ARHGEF38: variants seen among roughly 807,000 people sequenced by gnomAD.
ARHGEF38 encodes the protein Rho guanine nucleotide exchange factor 38, also known as Rho guanine nucleotide exchange factor (GEF) 38.
In ARHGEF38, 79 loss-of-function variants were observed where a neutral mutation model predicts 79.9. The observed-to-expected ratio is 0.99, with a 90% CI of 0.82 to 1.19. The LOEUF (loss-of-function observed/expected upper bound fraction) is 1.19. Ranked by LOEUF, ARHGEF38 falls within the 50% of genes most tolerant of loss-of-function variation. The pLI is 0.00. For synonymous variants in ARHGEF38, 366 were observed against 328.3 expected (o/e 1.11, Z -1.24); for missense variants, 962 against 907.2 (o/e 1.06, Z -0.78).
chr4:105,570,275 A>C (rs891910357), intron 1 of ARHGEF38: 2 of 152,240 alleles, frequency 1.3e-5, no homozygotes, highest in African/African-American at 4.8e-5. Context: ...GGTTGCTCTT[A>C]TTATAGGCTT....
Position 105,680,193 on chromosome 4 carries a change from AG to A in ARHGEF38, c.*2257del, listed in dbSNP as rs1456605022. 26 of 512,532 alleles carry A rather than the reference AG, an allele frequency of 5.1e-5. No individual in the cohort carries two copies. 31.7% of individuals were successfully genotyped at this position (512,532 alleles called of 1,614,324 possible). On this transcript the variant is annotated 3_prime_UTR_variant, in exon 14 of 14. Transcript: ENST00000420470. ...CTTCTGACTTTAAGGCCTTTCTTTT[AG>A]TGTTTTCCCTTTTCTTTTCCTTAAG...
At position 105,655,711 on chromosome 4, in the gene ARHGEF38, T is replaced by C; in HGVS notation, c.1222T>C (p.Cys408Arg). The change falls in exon 9 of 14, where the codon TGT becomes CGT. Residue 408 changes from cysteine (C) to arginine (R), a missense_variant. Cys to Arg is a radical substitution (Grantham distance 180). Coordinates refer to ENST00000420470, the MANE Select transcript of ARHGEF38 (RefSeq NM_001242729.2). Reference sequence around the variant, plus strand: ...GACCCTAAGTAATGCCTTAAATTCGTGTCATGACTTTGTAAGTTATTTATA... The same window carrying C: ...GACCCTAAGTAATGCCTTAAATTCGCGTCATGACTTTGTAAGTTATTTATA... ...SETLSNALNS[C>R]HDFASHLQRL... is the part of the protein sequence containing the mutation. 1.3e-6 allele frequency: 2 copies of C among 1,534,676 alleles called. No individual in the cohort carries two copies. Among genetic ancestry groups the C allele is most frequent in the Admixed American group, 2.0e-5 (1 of 50,890 alleles).
At chr4:105,598,765 G>T (rs2110472122) in intron 2 of ARHGEF38, among the ~76,000 whole-genome samples, 1 of 151,150 alleles carries the variant, frequency 6.6e-6, no homozygotes, top group East Asian at 1.9e-4. Flanking sequence ...TCCATAATAA[G>T]GCCAGATACC....
At position 105,667,559 on chromosome 4, in the gene ARHGEF38, C is replaced by T. The variant is rs534216698; in HGVS notation, c.2004C>T (p.Phe668=). The T allele has an allele frequency of 2.4e-5, 37 of 1,536,700 alleles. No homozygotes were observed. In the East Asian group the frequency reaches 3.7e-4, roughly 15 times the overall value. The part of the protein sequence containing the change: ...CDDDFENISL[F]VSSRPASDSV... ...ATGATTTTGAGAACATCAGCCTCTT[C>T]GTGTCTTCACGGCCAGCTAGTGACA... Residue 668 remains phenylalanine (F), a synonymous_variant, in exon 13 of 14, where the codon TTC becomes TTT. Coordinates refer to ENST00000420470, the MANE Select transcript of ARHGEF38 (RefSeq NM_001242729.2).
chr4:105,562,205 C>A (rs575001048), intron 1 of ARHGEF38, among the ~76,000 whole-genome samples: 15 of 152,284 alleles, frequency 9.9e-5, no homozygotes, highest in African/African-American at 3.4e-4. Flanking sequence ...ATGGTGTGTT[C>A]TGATCCCCCT....
At chr4:105,591,375 A>C (rs1157988952) in intron 2 of ARHGEF38, among the ~76,000 whole-genome samples, 1 of 151,948 alleles carries the variant, frequency 6.6e-6, no homozygotes, top group South Asian at 2.1e-4. Flanking sequence ...ACTACAGGTG[A>C]CTGCCACCAC....
intron 2 of ARHGEF38, among the ~76,000 whole-genome samples, chr4:105,612,784 T>C (rs1484610742): frequency 6.6e-6 from 1 of 152,130 alleles, no homozygotes; most frequent in Non-Finnish European, 1.5e-5. Context: ...AATAAATAAA[T>C]TATTATAAAC....
chr4:105,632,992 C>A (rs998052280), intron 4 of ARHGEF38: 4 of 152,682 alleles, frequency 2.6e-5, no homozygotes, highest in African/African-American at 9.7e-5. Context: ...GATTTTAGAA[C>A]CTCATGAAGT....
intron 3 of ARHGEF38, among the ~76,000 whole-genome samples, chr4:105,616,840 T>C (rs1728530969): frequency 6.6e-6 from 1 of 152,204 alleles, no homozygotes; most frequent in South Asian, 2.1e-4. Flanking sequence ...TAAAAGACTG[T>C]GCTCTAAGCA....
rs181306194 is a variant in ARHGEF38, at chr4:105,677,354, T to C, written c.2149-398T>C. ...GCTAAACTTATAGTGTTATTCCTAC[T>C]ACTCTCCCACTTTTCGCCATTCTTA... On this transcript the variant is annotated intron_variant, in intron 13 of 13. Coordinates refer to ENST00000420470, the MANE Select transcript of ARHGEF38 (RefSeq NM_001242729.2). Among the ~76,000 whole-genome samples the C allele has an allele frequency of 1.7e-3, 254 of 152,346 alleles. 1 individual carries two copies. The highest frequency in any genetic ancestry group is 3.1e-3 in the Non-Finnish European group (208 of 68,018).
Position 105,667,533 on chromosome 4 carries a change from G to A in ARHGEF38, c.1978G>A (p.Asp660Asn), listed in dbSNP as rs778608312. 7.8e-6 allele frequency: 12 copies of A among 1,536,520 alleles called. No individual in the cohort carries two copies. The highest frequency in any genetic ancestry group is 4.8e-5 in the South Asian group (4 of 84,068). Residue 660 changes from aspartate to asparagine, a missense_variant, in exon 13 of 14, where the codon GAT becomes AAT. By Grantham distance (23) the Asp-to-Asn change is conservative (BLOSUM62 1). Transcript: ENST00000420470. The stretch of plus-strand genomic sequence containing the variant: ...GGATGCTGAGAACAGGTTCTGTGAC[G>A]ATGATTTTGAGAACATCAGCCTCTT... ...KVDAENRFCD[D>N]DFENISLFVS...
intron 5 of ARHGEF38, among the ~76,000 whole-genome samples, chr4:105,637,236 C>G (rs987147242): frequency 1.3e-5 from 2 of 152,024 alleles, no homozygotes; most frequent in African/African-American, 4.8e-5. Context: ...CAGCAAATAT[C>G]TGTCATTCAT....
At chr4:105,596,323 G>A (rs1307426386) in intron 2 of ARHGEF38, among the ~76,000 whole-genome samples, 1 of 152,142 alleles carries the variant, frequency 6.6e-6, no homozygotes, top group Non-Finnish European at 1.5e-5. Context: ...GCAAGGGAGG[G>A]AAGGCACTCC....
chr4:105,639,066 T>C (rs888330492), intron 5 of ARHGEF38, among the ~76,000 whole-genome samples: 2 of 152,004 alleles, frequency 1.3e-5, no homozygotes, highest in Non-Finnish European at 2.9e-5. Context: ...ATCCACTACT[T>C]GCCAACACTA....
Position 105,555,379 on chromosome 4 carries a change from C to G in ARHGEF38, c.196+2418C>G, listed in dbSNP as rs575304987. Among the ~76,000 whole-genome samples the G allele has an allele frequency of 1.6e-3, 238 of 152,244 alleles. 2 individuals carry two copies. The highest frequency in any genetic ancestry group is 5.6e-3 in the African/African-American group (234 of 41,568). Reference sequence around the variant, plus strand: ...AGCTTTTAGCATGGTTCGACTAGAACAGGGAAGGCGACAAGGGAAGGCATT... The same window carrying G: ...AGCTTTTAGCATGGTTCGACTAGAAGAGGGAAGGCGACAAGGGAAGGCATT... On this transcript the variant is annotated intron_variant, in intron 1 of 13. Transcript: ENST00000420470.
At chr4:105,554,437 A>G (rs1161331287) in intron 1 of ARHGEF38, among the ~76,000 whole-genome samples, 4 of 152,264 alleles carry the variant, frequency 2.6e-5, no homozygotes, top group Admixed American at 2.0e-4. Flanking sequence ...GCTCTCACTC[A>G]TAAGTGAGAA....
chr4:105,667,767 T>C lies in ARHGEF38; in HGVS notation c.2148+64T>C. ...ATGAAAGAGTATCTCTCTACTGTAC[T>C]CTATAATACTGTAACACTTGGTGGA... On this transcript the variant is annotated intron_variant, in intron 13 of 13. Transcript: ENST00000420470. The C allele has an allele frequency of 2.0e-6, 3 of 1,502,956 alleles. No individual in the cohort carries two copies. In the South Asian group the frequency reaches 3.8e-5, roughly 19 times the overall value. 93.1% of individuals were successfully genotyped at this position (1,502,956 alleles called of 1,614,324 possible).
At chr4:105,555,480 G>A (rs1052498726) in intron 1 of ARHGEF38, among the ~76,000 whole-genome samples, 4 of 152,116 alleles carry the variant, frequency 2.6e-5, no homozygotes, top group African/African-American at 9.7e-5. Flanking sequence ...TTATGCAGAT[G>A]AGTCCTAAAT....
At chr4:105,613,681 G>C (rs957573739) in intron 3 of ARHGEF38, among the ~76,000 whole-genome samples, 174 bp downstream of exon 3, 5 of 152,172 alleles carry the variant, frequency 3.3e-5, no homozygotes, top group African/African-American at 1.2e-4. Flanking sequence ...ATTTTCAAAT[G>C]GGTTTATATC....
Sources: gnomAD v4.1 joint callset for allele counts (sites outside exome capture counted in the v4.1 genomes callset) on GRCh38, gnomAD v4.1.1 for gene constraint, MANE v1.5 for transcripts, NCBI Gene and HGNC (gene_info 2026-07-23, HGNC 2026-07-21) for gene names.